The following CPXM2 variants were observed in gnomAD, a reference collection of about 807,000 sequenced individuals.
The protein encoded by CPXM2 is inactive carboxypeptidase-like protein X2.
CPXM2 carries 66 observed loss-of-function variants against 86.1 expected under a neutral mutation model. The ratio of observed to expected loss-of-function variants is 0.77; its 90% CI spans 0.63 to 0.94. The LOEUF is 0.94. Ranked by LOEUF, CPXM2 falls within the 40% of genes least tolerant of loss-of-function variation. CPXM2 has a pLI of 0.00. For synonymous variants in CPXM2, 388 were observed against 400.2 expected (o/e 0.97, Z 0.36); for missense variants, 948 against 1,026.3 (o/e 0.92, Z 1.04).
chr10:123,767,289 C>A (rs1846501716), intron 9 of CPXM2, 137 bp from the exon 10 acceptor site: 2 of 709,684 alleles, frequency 2.8e-6, no homozygotes, highest in Admixed American at 2.8e-5. Flanking sequence ...CCAAAGATGG[C>A]ATCTAAAGGA....
chr10:123,898,327 A>T (rs745698064), intron 2 of CPXM2, among the ~76,000 whole-genome samples: 42 of 152,158 alleles, frequency 2.8e-4, no homozygotes, highest in Non-Finnish European at 5.1e-4. Context: ...AATGGCACAC[A>T]CCTGTAGTCC....
chr10:123,774,351 G>A (rs780298292), intron 7 of CPXM2, among the ~76,000 whole-genome samples: 4 of 152,328 alleles, frequency 2.6e-5, no homozygotes, highest in East Asian at 1.9e-4. Context: ...CGGATCAACC[G>A]AATTATCCAT....
At chr10:123,900,611 G>T (rs1456972555) in intron 2 of CPXM2, among the ~76,000 whole-genome samples, 1 of 152,230 alleles carries the variant, frequency 6.6e-6, no homozygotes, top group East Asian at 1.9e-4. Flanking sequence ...AGCACTGCTG[G>T]TGAGGATTCA....
intron 6 of CPXM2, among the ~76,000 whole-genome samples, chr10:123,784,973 T>C (rs550518623): frequency 1.1e-4 from 17 of 152,336 alleles, no homozygotes; most frequent in African/African-American, 4.1e-4. Context: ...ATATACCAAG[T>C]AAAGGACTTT....
intron 2 of CPXM2, among the ~76,000 whole-genome samples, chr10:123,925,009 T>C (rs1377338329): frequency 6.6e-6 from 1 of 152,210 alleles, no homozygotes. Context: ...ACATATATTT[T>C]TATTGTATCA....
intron 1 of CPXM2, among the ~76,000 whole-genome samples, chr10:123,887,966 C>T (rs1945206730): frequency 6.6e-6 from 1 of 152,206 alleles, no homozygotes; most frequent in African/African-American, 2.4e-5. Flanking sequence ...AACCTGTTAG[C>T]CACTCATGGA....
At chr10:123,934,470 C>T (rs1443976992) in intron 2 of CPXM2, among the ~76,000 whole-genome samples, 5 of 151,724 alleles carry the variant, frequency 3.3e-5, no homozygotes, top group Non-Finnish European at 7.4e-5. Flanking sequence ...GTCTCGGTGT[C>T]CAAATTTCCC....
At chr10:123,792,191 T>C (rs1031785501) in intron 6 of CPXM2, among the ~76,000 whole-genome samples, 2 of 152,050 alleles carry the variant, frequency 1.3e-5, no homozygotes, top group Non-Finnish European at 2.9e-5. Context: ...CTGGTGACCT[T>C]AGAAATGAGG....
chr10:123,906,630 T>G (rs1306246297), intron 2 of CPXM2, among the ~76,000 whole-genome samples: 3 of 152,176 alleles, frequency 2.0e-5, no homozygotes, highest in African/African-American at 7.2e-5. Context: ...AATGCCAAAC[T>G]GAAAAAGTAA....
At chr10:123,772,231 C>T (rs1846653482) in intron 7 of CPXM2, among the ~76,000 whole-genome samples, 1 of 151,962 alleles carries the variant, frequency 6.6e-6, no homozygotes, top group African/African-American at 2.4e-5. Flanking sequence ...TTATCACCTC[C>T]ATTGCTATAG....
intron 4 of CPXM2, among the ~76,000 whole-genome samples, chr10:123,842,062 C>T (rs1848398171): frequency 6.6e-6 from 1 of 152,228 alleles, no homozygotes; most frequent in Admixed American, 6.5e-5. Context: ...CCCAGAGCTG[C>T]CTAAACCGCC....
intron 4 of CPXM2, among the ~76,000 whole-genome samples, chr10:123,803,358 C>T (rs1227271794): frequency 6.6e-6 from 1 of 151,944 alleles, no homozygotes; most frequent in African/African-American, 2.4e-5. Flanking sequence ...GTGATCTACC[C>T]ACCTTGGCCT....
intron 12 of CPXM2, among the ~76,000 whole-genome samples, chr10:123,756,080 C>G (rs777355816): frequency 7.9e-5 from 12 of 152,232 alleles, no homozygotes; most frequent in Non-Finnish European, 1.6e-4. Flanking sequence ...GTGCCAACCT[C>G]TGCCCCCTGT....
chr10:123,754,832 G>A lies in CPXM2; in HGVS notation c.1918-70C>T. 2 of 872,306 alleles carry A rather than the reference G, an allele frequency of 2.3e-6. No individual in the cohort carries two copies. Among genetic ancestry groups the A allele is most frequent in the Non-Finnish European group, 2.0e-6 (1 of 509,368 alleles). The allele number at this position is 872,306 out of a possible 1,614,324, so 54.0% of individuals were successfully genotyped here. A position where few individuals can be genotyped will look rare whatever the true frequency, so the allele number is the denominator to read the frequency against. On this transcript the variant is annotated intron_variant, in intron 12 of 13. Transcript: ENST00000241305. The surrounding 1 kb of genome is among the most constrained non-coding windows in gnomAD (Gnocchi z 4.0). ...CTGGACACAACCGGCACAACAGAGT[G>A]GGCTGTCAACCCACCATTGGCCGGT...
At chr10:123,794,222 A>G (rs954953758) in intron 6 of CPXM2, among the ~76,000 whole-genome samples, 1 of 152,136 alleles carries the variant, frequency 6.6e-6, no homozygotes, top group South Asian at 2.1e-4. Flanking sequence ...AACCCTGGAC[A>G]TCTCAGTGCT....
At chr10:123,880,147 CCCA>C in intron 2 of CPXM2, 61 bp downstream of exon 2, 1 of 203,082 alleles carries the variant, frequency 4.9e-6, no homozygotes. Context: ...GGGGCCTGTA[CCCA>C]CCCACCCTCC....
chr10:123,747,921 CAAAA>C (rs59206856), intron 13 of CPXM2, among the ~76,000 whole-genome samples: 14 of 72,030 alleles, frequency 1.9e-4, no homozygotes, highest in African/African-American at 6.5e-4. Context: ...GACTCTGTCT[CAAAA>C]AAAAAAAAAA....
rs140219726 is a variant in CPXM2, at chr10:123,799,168, C to G, written c.685G>C (p.Val229Leu). ...ACCCACGTGTGGCTGTCATTGCTCA[C>G]CATGACCTTATAGGATGTCACCCAG... Reference protein sequence around the residue: ...SDWVTSYKVMVSNDSHTWVTV... With the variant: ...SDWVTSYKVMLSNDSHTWVTV... Residue 229 changes from valine (V) to leucine (L), a missense_variant, in exon 5 of 14, where the codon GTG becomes CTG. Val to Leu is a conservative substitution (Grantham distance 32). Coordinates refer to ENST00000241305, the MANE Select transcript of CPXM2 (RefSeq NM_198148.3). 1 of 1,614,158 alleles carries G rather than the reference C, an allele frequency of 6.2e-7. No homozygotes were observed. Among genetic ancestry groups the G allele is most frequent in the East Asian group, 2.2e-5 (1 of 44,884 alleles).
intron 2 of CPXM2, among the ~76,000 whole-genome samples, chr10:123,937,470 A>AACACACACACACACACACACACACAC (rs201368456): frequency 2.3e-5 from 3 of 132,588 alleles, no homozygotes; most frequent in Non-Finnish European, 1.6e-5. Context: ...ACAACAAAAC[A>AACACACACACACACACACACACACAC]ACACACACAC....
Sources: allele counts gnomAD v4.1 joint callset (sites outside exome capture counted in the v4.1 genomes callset), GRCh38; gene constraint gnomAD v4.1.1; non-coding constraint Gnocchi (gnomAD v3.1); transcripts MANE v1.5; gene names NCBI Gene and HGNC (gene_info 2026-07-23, HGNC 2026-07-21).